PDHX: variants seen among roughly 807,000 people sequenced by gnomAD.
PDHX encodes pyruvate dehydrogenase complex component X, also known as pyruvate dehydrogenase protein X component, mitochondrial.
In PDHX, 33 loss-of-function variants were observed where a neutral mutation model predicts 55.3. The observed-to-expected ratio is 0.60, with a 90% CI of 0.45 to 0.80. PDHX has a LOEUF of 0.80. Ranked by LOEUF, PDHX falls within the 30% of genes least tolerant of loss-of-function variation. The pLI is 0.00. For synonymous variants in PDHX, 226 were observed against 219.4 expected (o/e 1.03, Z -0.27); for missense variants, 622 against 619.9 (o/e 1.00, Z -0.04).
chr11:34,924,879 C>G (rs1257082994), intron 1 of PDHX, among the ~76,000 whole-genome samples: 1 of 152,156 alleles, frequency 6.6e-6, no homozygotes, highest in Non-Finnish European at 1.5e-5. Flanking sequence ...GCCCATCTCT[C>G]TGTTTCTATT....
intron 7 of PDHX, among the ~76,000 whole-genome samples, chr11:34,976,606 G>A (rs1855380715): frequency 6.6e-6 from 1 of 152,140 alleles, no homozygotes; most frequent in East Asian, 1.9e-4. Context: ...GGAACTTCTA[G>A]CCTGGGGAGA....
chr11:34,961,925 C>T (rs182549463), intron 5 of PDHX, among the ~76,000 whole-genome samples: 1 of 152,198 alleles, frequency 6.6e-6, no homozygotes, highest in Non-Finnish European at 1.5e-5. Context: ...CCAGTTAATC[C>T]CAGTTTTTTC....
intron 9 of PDHX, among the ~76,000 whole-genome samples, chr11:34,986,714 G>A (rs1453273363): frequency 6.6e-6 from 1 of 152,094 alleles, no homozygotes; most frequent in Non-Finnish European, 1.5e-5. Flanking sequence ...AGGTAAGAAC[G>A]CAGTCTCACC....
intron 2 of PDHX, among the ~76,000 whole-genome samples, chr11:34,938,728 G>A (rs1057448849): frequency 2.6e-5 from 4 of 152,184 alleles, no homozygotes; most frequent in Admixed American, 6.5e-5. Context: ...AATCTAATAA[G>A]TTATTCACAC....
chr11:34,973,136 A>C (rs1027259123), intron 7 of PDHX, among the ~76,000 whole-genome samples: 2 of 152,162 alleles, frequency 1.3e-5, no homozygotes, highest in Non-Finnish European at 2.9e-5. Flanking sequence ...CCACATACAC[A>C]GTTAGGAATT....
intron 8 of PDHX, among the ~76,000 whole-genome samples, chr11:34,979,190 A>G (rs1439120314): frequency 1.3e-5 from 2 of 152,200 alleles, no homozygotes; most frequent in East Asian, 3.8e-4. Flanking sequence ...TTTTCCATGT[A>G]CTAAGATTGG....
chr11:34,925,264 A>G (rs543823848), intron 1 of PDHX, among the ~76,000 whole-genome samples: 5 of 152,246 alleles, frequency 3.3e-5, no homozygotes, highest in Admixed American at 2.0e-4. Context: ...TGCAGAGAAA[A>G]CAAGCTTCAG....
chr11:34,966,250 C>T (rs1403116043), intron 5 of PDHX, among the ~76,000 whole-genome samples: 1 of 152,100 alleles, frequency 6.6e-6, no homozygotes, highest in Non-Finnish European at 1.5e-5. Context: ...TTACAATAAA[C>T]TTGACACTTT....
intron 5 of PDHX, among the ~76,000 whole-genome samples, chr11:34,964,968 A>G (rs1447842903): frequency 6.6e-6 from 1 of 152,166 alleles, no homozygotes; most frequent in Non-Finnish European, 1.5e-5. Context: ...GTATTCGGGC[A>G]TTAACGATAC....
At chr11:34,934,264 A>T (rs995365534) in intron 2 of PDHX, among the ~76,000 whole-genome samples, 2 of 152,202 alleles carry the variant, frequency 1.3e-5, no homozygotes, top group Admixed American at 1.3e-4. Flanking sequence ...AGAAAATTGA[A>T]CCAAATATGT....
intron 1 of PDHX, among the ~76,000 whole-genome samples, chr11:34,928,842 A>G (rs1854086687): frequency 6.6e-6 from 1 of 152,216 alleles, no homozygotes; most frequent in African/African-American, 2.4e-5. Context: ...TCAAGAATTT[A>G]GTTCTCCAGC....
At chr11:34,936,874 C>T (rs762415965) in intron 2 of PDHX, among the ~76,000 whole-genome samples, 4 of 148,570 alleles carry the variant, frequency 2.7e-5, no homozygotes, top group African/African-American at 2.5e-5. Context: ...CTGCAACCTC[C>T]ACCTCCCAGG....
At chr11:34,968,936 G>A (rs1459539080) in intron 6 of PDHX, among the ~76,000 whole-genome samples, 1 of 152,016 alleles carries the variant, frequency 6.6e-6, no homozygotes, top group Non-Finnish European at 1.5e-5. Context: ...TGAAAAGATG[G>A]TTCGACTTAT....
At chr11:34,987,444 CA>C (rs1159459510) in intron 9 of PDHX, among the ~76,000 whole-genome samples, 4 of 151,962 alleles carry the variant, frequency 2.6e-5, no homozygotes, top group African/African-American at 9.7e-5. Flanking sequence ...GCCTATTTAA[CA>C]TAATAGTTCT....
chr11:34,954,494 C>G (rs1178226529), intron 3 of PDHX, among the ~76,000 whole-genome samples: 2 of 152,210 alleles, frequency 1.3e-5, no homozygotes. Flanking sequence ...AGAATTCAGC[C>G]TCTGTCTGAG....
intron 2 of PDHX, 45 bp from the exon 3 acceptor site, chr11:34,947,461 T>C: frequency 8.2e-7 from 1 of 1,217,122 alleles, no homozygotes; most frequent in South Asian, 1.2e-5. Flanking sequence ...TACATAGTAA[T>C]ATTTATATTT....
In PDHX at chr11:34,978,038, C is replaced by G. The variant is rs187375247; in HGVS notation, c.965-86C>G. 5.8e-5 allele frequency: 45 copies of G among 773,836 alleles called. No individual in the cohort carries two copies. In the East Asian group the frequency reaches 9.9e-4, roughly 17 times the overall value. The allele number at this position is 773,836 out of a possible 1,614,324, so 47.9% of individuals were successfully genotyped here. On this transcript the variant is annotated intron_variant, in intron 7 of 10. Coordinates refer to ENST00000227868, the MANE Select transcript of PDHX (RefSeq NM_003477.3). ...TTTTATCATTGTTTGTCAGTACATT[C>G]CATAATTTACAAGTTTGAAGTTGTA...
chr11:34,954,046 T>G lies in PDHX; in HGVS notation c.343-3338T>G, dbSNP rs538803671. 1.5e-4 allele frequency among the ~76,000 whole-genome samples: 23 copies of G among 152,338 alleles called. No individual in the cohort carries two copies. The South Asian group carries it at 4.8e-3, about 32-fold the overall frequency. On this transcript the variant is annotated intron_variant, in intron 3 of 10. Transcript: ENST00000227868. ...TTCATTGTTCATATAAGATAAACAG[T>G]ATACATTGAAGAATCAAAACAGTTC...
At chr11:34,918,544 C>G (rs1213095790) in intron 1 of PDHX, among the ~76,000 whole-genome samples, 1 of 152,094 alleles carries the variant, frequency 6.6e-6, no homozygotes, top group East Asian at 1.9e-4. Context: ...TTACCTATTC[C>G]CTATCCCCTA....
Sources: gnomAD v4.1 joint callset for allele counts (sites outside exome capture counted in the v4.1 genomes callset) on GRCh38, gnomAD v4.1.1 for gene constraint, MANE v1.5 for transcripts, NCBI Gene and HGNC (gene_info 2026-07-23, HGNC 2026-07-21) for gene names.